The following HP1BP3 variants were observed in gnomAD, a reference collection of about 807,000 sequenced individuals.
HP1BP3 encodes the protein heterochromatin protein 1-binding protein 3.
HP1BP3 carries 12 observed loss-of-function variants against 62.5 expected under a neutral mutation model. That is an observed-to-expected ratio of 0.19 (90% confidence interval 0.12 to 0.31). HP1BP3 has a LOEUF of 0.31. Ranked by LOEUF, HP1BP3 falls within the 10% of genes least tolerant of loss-of-function variation. The pLI is 1.00. For missense variants in HP1BP3, 502 were observed against 651.8 expected (o/e 0.77, Z 2.50); for synonymous variants, 260 against 237.8 (o/e 1.09, Z -0.86).
chr1:20,775,845 T>C (rs1206264749), intron 4 of HP1BP3: 3 of 1,054,312 alleles, frequency 2.8e-6, no homozygotes, highest in Non-Finnish European at 4.0e-6. Context: ...CGTAGGTTTG[T>C]GTAAGTACAC....
chr1:20,756,872 C>T (rs1043151662), intron 9 of HP1BP3, among the ~76,000 whole-genome samples: 3 of 152,080 alleles, frequency 2.0e-5, no homozygotes, highest in Non-Finnish European at 2.9e-5. Flanking sequence ...TGTGCCCCCA[C>T]GCCCAGCTCA....
At position 20,765,508 on chromosome 1, in the gene HP1BP3, T is replaced by A. The variant is rs894621755; in HGVS notation, c.759A>T (p.Pro253=). 34 of 1,613,270 alleles carry A rather than the reference T, an allele frequency of 2.1e-5. No individual in the cohort carries two copies. The highest frequency in any genetic ancestry group is 1.6e-4 in the Middle Eastern group (1 of 6,082). Residue 253 remains proline, a synonymous_variant, in exon 8 of 13, where the codon CCA becomes CCT. Transcript: ENST00000438032. Reference sequence around the variant, plus strand: ...CATCCTCCAATTTTACTTGTGGTTCTGGATCCACTGCAGAGCTCCTATTCT... The same window carrying A: ...CATCCTCCAATTTTACTTGTGGTTCAGGATCCACTGCAGAGCTCCTATTCT... The part of the protein sequence containing the change: ...NRKNRSSAVD[P]EPQVKLEDVL...
intron 9 of HP1BP3, among the ~76,000 whole-genome samples, chr1:20,751,160 T>A (rs910759297): frequency 1.3e-5 from 2 of 152,122 alleles, no homozygotes; most frequent in Non-Finnish European, 2.9e-5. Flanking sequence ...CATTTTCTTT[T>A]CTCTAGCTTG....
Position 20,741,845 on chromosome 1 carries a change from G to T in HP1BP3, c.*2952C>A, listed in dbSNP as rs2055092486. Among the ~76,000 whole-genome samples the T allele has an allele frequency of 6.6e-6, 1 of 152,170 alleles. No individual in the cohort carries two copies. Among genetic ancestry groups the T allele is most frequent in the East Asian group, 1.9e-4 (1 of 5,202 alleles). On this transcript the variant is annotated 3_prime_UTR_variant, in exon 13 of 13. Transcript: ENST00000438032. ...TCTGGGATTACCTCTGGGGTTTGTT[G>T]TTCCCCTTTCTGAACATGGAAGTAA...
intron 7 of HP1BP3, among the ~76,000 whole-genome samples, chr1:20,765,952 G>A (rs1329155540): frequency 5.6e-5 from 8 of 142,062 alleles, no homozygotes; most frequent in South Asian, 4.4e-4. Flanking sequence ...GTGACAGAAC[G>A]AGACTCCGTC....
intron 3 of HP1BP3, among the ~76,000 whole-genome samples, chr1:20,778,785 CTTT>C (rs869066619): frequency 7.0e-6 from 1 of 142,966 alleles, no homozygotes; most frequent in East Asian, 2.0e-4. Context: ...TTCTACTCCT[CTTT>C]TTTTTTTTTT....
intron 8 of HP1BP3, among the ~76,000 whole-genome samples, chr1:20,764,746 G>A (rs1368223885): frequency 4.0e-5 from 6 of 151,008 alleles, no homozygotes; most frequent in Admixed American, 6.6e-5. Context: ...CACGGTAACC[G>A]GGGCCTGTAA....
At chr1:20,754,453 C>T (rs1042367367) in intron 9 of HP1BP3, among the ~76,000 whole-genome samples, 1 of 151,484 alleles carries the variant, frequency 6.6e-6, no homozygotes, top group African/African-American at 2.4e-5. Context: ...CCTACCAAAA[C>T]TCCAGCTGTT....
In HP1BP3 at chr1:20,742,604, A is replaced by G. The variant is rs1456603592; in HGVS notation, c.*2193T>C. On this transcript the variant is annotated 3_prime_UTR_variant, in exon 13 of 13. Transcript: ENST00000438032. ...TCATTTCAAGGAGTAGAAAAGACTT[A>G]AAGTGAGGGCGACACTTAGCTACTT... 1 of 152,684 alleles carries G rather than the reference A, an allele frequency of 6.5e-6. No homozygotes were observed. Among genetic ancestry groups the G allele is most frequent in the East Asian group, 1.9e-4 (1 of 5,208 alleles). The allele number at this position is 152,684 out of a possible 1,614,324, so 9.5% of individuals were successfully genotyped here. A position where few individuals can be genotyped will look rare whatever the true frequency, so the allele number is the denominator to read the frequency against.
intron 8 of HP1BP3, among the ~76,000 whole-genome samples, chr1:20,761,958 A>G (rs1201632095): frequency 6.6e-6 from 1 of 152,204 alleles, no homozygotes; most frequent in Admixed American, 6.5e-5. Context: ...GAAATTTCCA[A>G]CGTGGAGACT....
chr1:20,778,621 G>A lies in HP1BP3; in HGVS notation c.196+1191C>T, dbSNP rs147387214. Among the ~76,000 whole-genome samples, 25 of 152,132 alleles carry A rather than the reference G, an allele frequency of 1.6e-4. No homozygotes were observed. The East Asian group carries it at 4.6e-3, about 28-fold the overall frequency. On this transcript the variant is annotated intron_variant, in intron 3 of 12. Coordinates refer to ENST00000438032, the MANE Select transcript of HP1BP3 (RefSeq NM_001372052.1). ...CACCCGTTTACTTTTTTAAATATTT[G>A]GATTCCCGTGTTTCTTAACTGCCTT...
chr1:20,768,508 T>C (rs938282015), intron 6 of HP1BP3, among the ~76,000 whole-genome samples: 12 of 152,240 alleles, frequency 7.9e-5, no homozygotes, highest in African/African-American at 2.9e-4. Context: ...TTACCACATA[T>C]TTCCAGTTCA....
At chr1:20,781,073 T>TCA (rs1474138877) in intron 1 of HP1BP3, among the ~76,000 whole-genome samples, 1 of 152,026 alleles carries the variant, frequency 6.6e-6, no homozygotes, top group Non-Finnish European at 1.5e-5. Flanking sequence ...ATTTAGACCA[T>TCA]CACCTAGGAG....
rs528937703 is a variant in HP1BP3 at position 20,760,249 on chromosome 1, C to A, written c.891-2993G>T. On this transcript the variant is annotated intron_variant, in intron 8 of 12. Transcript: ENST00000438032. ...GACACTGAATGTTTGAGTAGAAAGG[C>A]GACATGACACTGGACACAGTGGCTC... Among the ~76,000 whole-genome samples, 6 of 152,134 alleles carry A rather than the reference C, an allele frequency of 3.9e-5. No individual in the cohort carries two copies. In the East Asian group the frequency reaches 1.2e-3, roughly 29 times the overall value.
chr1:20,757,624 G>C (rs1330190554), intron 8 of HP1BP3, among the ~76,000 whole-genome samples: 1 of 152,042 alleles, frequency 6.6e-6, no homozygotes, highest in Non-Finnish European at 1.5e-5. Flanking sequence ...GCCTGACTCG[G>C]CCTCCCAAAG....
chr1:20,757,304 G>A (rs747152416), intron 8 of HP1BP3, 48 bp from the exon 9 acceptor site: 2 of 1,141,112 alleles, frequency 1.8e-6, no homozygotes, highest in Non-Finnish European at 2.6e-6. Context: ...ATTAATGAAA[G>A]AAAAATGTAA....
intron 7 of HP1BP3, 92 bp downstream of exon 7, chr1:20,767,492 T>A: frequency 1.1e-6 from 1 of 871,134 alleles, no homozygotes. Context: ...CCTTGCATAG[T>A]GCCAGGCACA....
intron 11 of HP1BP3, among the ~76,000 whole-genome samples, chr1:20,746,850 T>C (rs927421888): frequency 6.6e-5 from 10 of 152,064 alleles, no homozygotes; most frequent in African/African-American, 2.4e-4. Flanking sequence ...CCCCCATCTC[T>C]ACAAAAAACA....
rs759153948 is a variant in HP1BP3, at chr1:20,779,839, G to A, written c.169C>T (p.Leu57Phe). ...GGCTTTTCTTCCTCCCCTTCAGCAA[G>A]CTTGCTTTTGGGAGGAGTTTCCCGG... is the stretch of plus-strand genomic sequence containing the variant. ...STRETPPKSK[L>F]AEGEEEKPEP... The change falls in exon 3 of 13, where the codon CTT becomes TTT. Residue 57 changes from leucine to phenylalanine, a missense_variant. This residue lies in a region of HP1BP3 where 165 missense variants were observed against 156.4 expected (regional missense o/e 1.05). Transcript: ENST00000438032. 1 of 1,613,000 alleles carries A rather than the reference G, an allele frequency of 6.2e-7. No homozygotes were observed. Among genetic ancestry groups the A allele is most frequent in the Non-Finnish European group, 8.5e-7 (1 of 1,179,572 alleles).
Sources: gnomAD v4.1 joint callset for allele counts (sites outside exome capture counted in the v4.1 genomes callset) on GRCh38, gnomAD v4.1.1 for gene constraint, gnomAD v4.1.1 regional missense constraint, MANE v1.5 for transcripts, NCBI Gene and HGNC (gene_info 2026-07-23, HGNC 2026-07-21) for gene names.